BYSL: variants seen among roughly 807,000 people sequenced by gnomAD.
BYSL encodes the protein bystin.
BYSL carries 21 observed loss-of-function variants against 45.4 expected under a neutral mutation model. That is an observed-to-expected ratio of 0.46 (90% CI 0.33 to 0.67). The LOEUF is 0.67. Among genes scored for constraint, BYSL ranks in the 30% least tolerant of loss-of-function variants. The pLI, the probability that BYSL is intolerant of heterozygous loss-of-function variation, is 0.02. For missense variants in BYSL, 522 were observed against 578.5 expected, an observed-to-expected ratio of 0.90 and a Z score of 1.00; for synonymous variants, 215 against 231.3, an observed-to-expected ratio of 0.93 and a Z score of 0.64.
Position 41,930,681 on chromosome 6 carries a change from T to G in BYSL, c.617T>G (p.Ile206Ser), listed in dbSNP as rs1775624162. The G allele has an allele frequency of 6.2e-7, 1 of 1,613,740 alleles. No individual in the cohort carries two copies. ...RSGKLPKAFK[I>S]IPALSNWEQI... ...GGAAAACTGCCCAAGGCATTTAAGA[T>G]CATCCCTGCACTCTCCAACTGGGAG... Residue 206 changes from isoleucine (I) to serine (S), a missense_variant, in exon 4 of 7, where the codon ATC (isoleucine) becomes AGC (serine). Transcript: ENST00000230340.
chr6:41,931,770 G>A lies in BYSL; in HGVS notation c.908G>A (p.Arg303Gln), dbSNP rs138775421. ...PLCESGTCTL[R>Q]EAIIVGSIIT... ...TGCGAGTCTGGCACTTGTACCCTCC[G>A]GGAAGCCATCATTGTGGGTAGCATC... The change falls in exon 6 of 7, where the codon CGG (arginine) becomes CAG (glutamine). Residue 303 changes from arginine to glutamine, a missense_variant. Physicochemically the swap from Arg to Gln is conservative, Grantham distance 43. Transcript: ENST00000230340. The A allele has an allele frequency of 4.6e-5, 74 of 1,614,124 alleles. No homozygotes were observed. In the African/African-American group the frequency reaches 6.8e-4, roughly 15 times the overall value.
chr6:41,931,488 A>G lies in BYSL; in HGVS notation c.797A>G (p.Lys266Arg), dbSNP rs1171466084. Residue 266 changes from lysine (K) to arginine (R), a missense_variant, in exon 5 of 7, where the codon AAA (lysine) becomes AGA (arginine). Transcript: ENST00000230340. ...GTACGAGATGACGTTGCTGAATACA[A>G]ACGACTCAACTTCCATCTCTACATG... ...PRVRDDVAEY[K>R]RLNFHLYMAL... The G allele has an allele frequency of 6.9e-6, 11 of 1,587,924 alleles. No homozygotes were observed. Among genetic ancestry groups the G allele is most frequent in the South Asian group, 1.1e-5 (1 of 90,534 alleles).
At position 41,921,942 on chromosome 6, in the gene BYSL, T is replaced by TTACACTTGCAAA. The variant is rs550587312; in HGVS notation, c.268+113_268+124dup. 476 of 1,402,336 alleles carry TTACACTTGCAAA rather than the reference T, an allele frequency of 3.4e-4. 3 individuals carry two copies. In the African/African-American group the frequency reaches 6.0e-3, roughly 18 times the overall value. The allele number at this position is 1,402,336 out of a possible 1,614,324, so 86.9% of individuals were successfully genotyped here. ...CTTCGAGTCAACAAAGGGGTCCGTA[T>TTACACTTGCAAA]TACACTTGCAAAGGAGACTGAACCC... On this transcript the variant is annotated intron_variant, in intron 1 of 6. Transcript: ENST00000230340.
At chr6:41,920,966 A>T (rs1775449519), upstream of BYSL, 1 of 1,597,494 alleles carries the variant, frequency 6.3e-7, no homozygotes, top group Non-Finnish European at 8.5e-7. Flanking sequence ...GCCTTTCACA[A>T]CTCCAAGCCC....
intron 1 of BYSL, 47 bp downstream of exon 1, chr6:41,921,877 G>A: frequency 1.3e-6 from 2 of 1,561,556 alleles, no homozygotes; most frequent in Non-Finnish European, 1.7e-6. Flanking sequence ...CCAGTAGTGG[G>A]GCGGGGTGGG....
In BYSL at chr6:41,925,670, T is replaced by TTTTATTTA. The variant is rs71545925; in HGVS notation, c.269-1688_269-1681dup. Among the ~76,000 whole-genome samples, 15 of 149,214 alleles carry TTTTATTTA rather than the reference T, an allele frequency of 1.0e-4. No homozygotes were observed. The South Asian group carries it at 1.9e-3, about 19-fold the overall frequency. On this transcript the variant is annotated intron_variant, in intron 1 of 6. Coordinates refer to ENST00000230340, the MANE Select transcript of BYSL (RefSeq NM_004053.4). Reference sequence around the variant, plus strand: ...GAGCCACCGCGCCCGGCCTATTTATTTTTATTTATTTATTTATTTATTTTT... The same window carrying TTTTATTTA: ...GAGCCACCGCGCCCGGCCTATTTATTTTTATTTATTTATTTATTTATTTATTTATTTTT...
chr6:41,921,226 T>C (rs1394596188), upstream of BYSL: 1 of 678,432 alleles, frequency 1.5e-6, no homozygotes, highest in African/African-American at 1.8e-5. Flanking sequence ...TGACATCATC[T>C]GCGGATTCCC....
In BYSL at chr6:41,931,497, A is replaced by G; in HGVS notation, c.806A>G (p.Asn269Ser). ...RDDVAEYKRL[N>S]FHLYMALKKA... ...GACGTTGCTGAATACAAACGACTCAACTTCCATCTCTACATGGCTCTCAAG... is the reference window on the plus strand; with the variant it reads ...GACGTTGCTGAATACAAACGACTCAGCTTCCATCTCTACATGGCTCTCAAG... Residue 269 changes from asparagine (N) to serine (S), a missense_variant, in exon 5 of 7, where the codon AAC becomes AGC. Coordinates refer to ENST00000230340, the MANE Select transcript of BYSL (RefSeq NM_004053.4). 6.2e-7 allele frequency: 1 copy of G among 1,614,134 alleles called. No homozygotes were observed. Among genetic ancestry groups the G allele is most frequent in the African/African-American group, 1.3e-5 (1 of 75,012 alleles).
upstream of BYSL, among the ~76,000 whole-genome samples, chr6:41,918,436 G>A (rs533594656): frequency 9.2e-5 from 14 of 151,466 alleles, no homozygotes; most frequent in East Asian, 1.2e-3. Context: ...ACCAGGAGGC[G>A]GAGGTTGCAG....
At chr6:41,917,225 C>T (rs924369766), upstream of BYSL, among the ~76,000 whole-genome samples, 2 of 152,026 alleles carry the variant, frequency 1.3e-5, no homozygotes, top group Non-Finnish European at 2.9e-5. Context: ...CATGGTGAAA[C>T]CCCGTCTCTA....
chr6:41,915,507 G>A, the BYSL span, among the ~76,000 whole-genome samples: 55 of 130,246 alleles, frequency 4.2e-4, no homozygotes, highest in African/African-American at 1.2e-3. Context: ...AAACACACAC[G>A]CTGGGCGCGG....
At chr6:41,913,761 G>A in the BYSL span, among the ~76,000 whole-genome samples, 5 of 152,088 alleles carry the variant, frequency 3.3e-5, no homozygotes, top group African/African-American at 9.7e-5. Context: ...AGCCAGGCGT[G>A]GTGGAGCGCA....
the BYSL span, among the ~76,000 whole-genome samples, chr6:41,915,733 G>A: frequency 1.3e-5 from 2 of 150,210 alleles, no homozygotes; most frequent in East Asian, 3.9e-4. Flanking sequence ...CTTGCAGTGA[G>A]CCGAGATTGC....
intron 2 of BYSL, 38 bp from the exon 3 acceptor site, chr6:41,930,094 C>G: frequency 2.5e-6 from 4 of 1,612,038 alleles, no homozygotes; most frequent in South Asian, 1.1e-5. Flanking sequence ...GTGCTCCTTG[C>G]CCCCTCTCTC....
chr6:41,921,738 T>G lies in BYSL; in HGVS notation c.176T>G (p.Leu59Trp). The change falls in exon 1 of 7, where the codon TTG (leucine) becomes TGG (tryptophan). Residue 59 changes from leucine to tryptophan, a missense_variant. Coordinates refer to ENST00000230340, the MANE Select transcript of BYSL (RefSeq NM_004053.4). Reference protein sequence around the residue: ...YVGPRLSRRILQQARQQQEEL... With the variant: ...YVGPRLSRRIWQQARQQQEEL... The stretch of plus-strand genomic sequence containing the variant: ...GGGCCCCGGCTGAGCCGACGGATTT[T>G]GCAGCAAGCACGGCAGCAACAGGAG... 6.2e-7 allele frequency: 1 copy of G among 1,613,452 alleles called. No homozygotes were observed. The highest frequency in any genetic ancestry group is 8.5e-7 in the Non-Finnish European group (1 of 1,179,880).
At chr6:41,924,120 C>T (rs1290342329) in intron 1 of BYSL, among the ~76,000 whole-genome samples, 2 of 151,090 alleles carry the variant, frequency 1.3e-5, no homozygotes, top group Admixed American at 1.3e-4. Flanking sequence ...GAGTGCAATA[C>T]CACGATCTCG....
At chr6:41,920,855 G>A, upstream of BYSL, 2 of 959,770 alleles carry the variant, frequency 2.1e-6, no homozygotes, top group South Asian at 2.4e-5. Context: ...AACAAGCCCG[G>A]GGAACCCGCA....
intron 1 of BYSL, among the ~76,000 whole-genome samples, chr6:41,925,931 G>T (rs772157059): frequency 6.6e-6 from 1 of 151,876 alleles, no homozygotes; most frequent in Non-Finnish European, 1.5e-5. Flanking sequence ...TGATCCACCC[G>T]CCTTGGTCTC....
At chr6:41,917,977 A>G (rs781701676), upstream of BYSL, 2 of 279,772 alleles carry the variant, frequency 7.1e-6, no homozygotes, top group Non-Finnish European at 1.6e-5. Flanking sequence ...GAGAGGCAAC[A>G]GTATTCACGA....
Sources: gnomAD v4.1 joint callset for allele counts (sites outside exome capture counted in the v4.1 genomes callset) on GRCh38, gnomAD v4.1.1 for gene constraint, MANE v1.5 for transcripts, NCBI Gene and HGNC (gene_info 2026-07-23, HGNC 2026-07-21) for gene names.